The following JPT2 variants were observed in gnomAD, a reference collection of about 807,000 sequenced individuals.
The protein encoded by JPT2 is CRAMP_1 like.
In JPT2, 9 loss-of-function variants were observed where a neutral mutation model predicts 15.9. The ratio of observed to expected loss-of-function variants is 0.57; its 90% CI spans 0.34 to 0.99. The LOEUF is 0.99. Ranked by LOEUF, JPT2 falls within the 50% of genes least tolerant of loss-of-function variation. The pLI is 0.02. For missense variants in JPT2, 267 were observed against 252.1 expected (o/e 1.06, Z -0.40); for synonymous variants, 95 against 91.7 (o/e 1.04, Z -0.21).
chr16:1,688,260 A>T (rs2037081618), intron 2 of JPT2: 1 of 152,230 alleles, frequency 6.6e-6, no homozygotes, highest in Non-Finnish European at 1.5e-5. Flanking sequence ...AGTCAGTAGC[A>T]GAGCTAGTCG....
At chr16:1,680,624 AG>A in intron 1 of JPT2, 1 of 543,554 alleles carries the variant, frequency 1.8e-6, no homozygotes, top group South Asian at 4.0e-5. Flanking sequence ...GAAGCGAGTC[AG>A]GTGGTGGCTG....
intron 1 of JPT2, chr16:1,680,273 C>G: frequency 1.0e-6 from 1 of 962,486 alleles, no homozygotes; most frequent in Non-Finnish European, 1.2e-6. Context: ...GTTTGTGCTG[C>G]CTGGCACTGG....
chr16:1,699,191 C>G lies in JPT2; in HGVS notation c.*193C>G, dbSNP rs1184409903. The G allele has an allele frequency of 7.2e-6, 5 of 693,278 alleles. No individual in the cohort carries two copies. Among genetic ancestry groups the G allele is most frequent in the Non-Finnish European group, 1.3e-5 (5 of 383,358 alleles). 42.9% of individuals were successfully genotyped at this position (693,278 alleles called of 1,614,324 possible). A position where few individuals can be genotyped will look rare whatever the true frequency, so the allele number is the denominator to read the frequency against. On this transcript the variant is annotated 3_prime_UTR_variant, in exon 5 of 5. Transcript: ENST00000248098. Reference sequence around the variant, plus strand: ...CCTTCCAGATGGCTGGGAGATGCCTCTGTGGGGATGAAATGGGGCACCCCT... The same window carrying G: ...CCTTCCAGATGGCTGGGAGATGCCTGTGTGGGGATGAAATGGGGCACCCCT...
chr16:1,686,397 A>AAAAAG (rs2037066858), intron 2 of JPT2: 1 of 153,284 alleles, frequency 6.5e-6, no homozygotes. Flanking sequence ...AAAGAAAAAG[A>AAAAAG]AAAAGGTTTC....
At chr16:1,687,176 A>G (rs2037073039) in intron 2 of JPT2, among the ~76,000 whole-genome samples, 1 of 152,018 alleles carries the variant, frequency 6.6e-6, no homozygotes. Context: ...TTGTGGAGAC[A>G]GGGTTTAACC....
chr16:1,683,984 C>A (rs1489541671), intron 1 of JPT2, among the ~76,000 whole-genome samples: 2 of 152,166 alleles, frequency 1.3e-5, no homozygotes, highest in Non-Finnish European at 2.9e-5. Flanking sequence ...TGCATATAAC[C>A]TATGCACATC....
At chr16:1,691,742 G>C in intron 2 of JPT2, 101 bp from the exon 3 acceptor site, 2 of 1,409,622 alleles carry the variant, frequency 1.4e-6, no homozygotes, top group East Asian at 2.3e-5. Flanking sequence ...GCTGGCACTC[G>C]GGGTTCCTAT....
intron 2 of JPT2, chr16:1,686,011 C>T (rs1183650757): frequency 5.7e-6 from 1 of 174,640 alleles, no homozygotes; most frequent in African/African-American, 2.4e-5. Context: ...ATTGATCTAG[C>T]ACACATCTAC....
intron 1 of JPT2, chr16:1,683,472 A>T (rs1467714416): frequency 7.4e-7 from 1 of 1,353,404 alleles, no homozygotes; most frequent in Non-Finnish European, 1.0e-6. Flanking sequence ...TCTTAAGTGC[A>T]CCTGTCTTTT....
Position 1,699,116 on chromosome 16 carries a change from T to C in JPT2, c.*118T>C. Reference sequence around the variant, plus strand: ...GAAGAGGGTTAGTCTTATGTGAGCCTGGCTGCTCAGCGTCTCCTGGCCGTC... The same window carrying C: ...GAAGAGGGTTAGTCTTATGTGAGCCCGGCTGCTCAGCGTCTCCTGGCCGTC... On this transcript the variant is annotated 3_prime_UTR_variant, in exon 5 of 5. Transcript: ENST00000248098. 9.2e-7 allele frequency: 1 copy of C among 1,088,520 alleles called. No individual in the cohort carries two copies. Among genetic ancestry groups the C allele is most frequent in the Non-Finnish European group, 1.4e-6 (1 of 724,646 alleles). 67.4% of individuals were successfully genotyped at this position (1,088,520 alleles called of 1,614,324 possible). A position where few individuals can be genotyped will look rare whatever the true frequency, so the allele number is the denominator to read the frequency against.
rs143035397 is a variant in JPT2 at position 1,694,485 on chromosome 16, A to G, written c.336+2500A>G. ...GGTGTTTTATTCTGTAATGGGAAAAAAGTCCTATAATTCATATGGAATTTC... is the reference window on the plus strand; with the variant it reads ...GGTGTTTTATTCTGTAATGGGAAAAGAGTCCTATAATTCATATGGAATTTC... On this transcript the variant is annotated intron_variant, in intron 3 of 4. Coordinates refer to ENST00000248098, the MANE Select transcript of JPT2 (RefSeq NM_144570.3). 8.8e-4 allele frequency among the ~76,000 whole-genome samples: 134 copies of G among 152,360 alleles called. 1 individual carries two copies. The highest frequency in any genetic ancestry group is 3.0e-3 in the African/African-American group (124 of 41,582).
chr16:1,701,900 G>T lies in JPT2; in HGVS notation c.*2902G>T. ...AAAAAAAACTTCTCTAAATTAGCCG[G>T]ATGTGGTGGTGCATGCCTGTAGTCC... On this transcript the variant is annotated 3_prime_UTR_variant, in exon 5 of 5. Coordinates refer to ENST00000248098, the MANE Select transcript of JPT2 (RefSeq NM_144570.3). The T allele has an allele frequency of 3.3e-6, 1 of 300,842 alleles. No individual in the cohort carries two copies. The highest frequency in any genetic ancestry group is 6.8e-6 in the Non-Finnish European group (1 of 147,444). The allele number at this position is 300,842 out of a possible 1,614,324, so 18.6% of individuals were successfully genotyped here. A position where few individuals can be genotyped will look rare whatever the true frequency, so the allele number is the denominator to read the frequency against.
chr16:1,680,277 G>T (rs1427551488), intron 1 of JPT2: 1 of 970,910 alleles, frequency 1.0e-6, no homozygotes, highest in Non-Finnish European at 1.2e-6. Flanking sequence ...GTGCTGCCTG[G>T]CACTGGCTGC....
Position 1,701,548 on chromosome 16 carries a change from T to C in JPT2, c.*2550T>C, listed in dbSNP as rs1343480736. On this transcript the variant is annotated 3_prime_UTR_variant, in exon 5 of 5. Coordinates refer to ENST00000248098, the MANE Select transcript of JPT2 (RefSeq NM_144570.3). ...TAGCCAGAGGATGCCAAAATTAGTC[T>C]TCTCAAAGCTTTGAGTAGAGTAAGT... is the stretch of plus-strand genomic sequence containing the variant. 6.6e-6 allele frequency: 1 copy of C among 152,266 alleles called. No homozygotes were observed. The highest frequency in any genetic ancestry group is 1.5e-5 in the Non-Finnish European group (1 of 68,054). The allele number at this position is 152,266 out of a possible 1,614,324, so 9.4% of individuals were successfully genotyped here. A position where few individuals can be genotyped will look rare whatever the true frequency, so the allele number is the denominator to read the frequency against.
intron 3 of JPT2, among the ~76,000 whole-genome samples, chr16:1,694,888 A>G (rs2037130119): frequency 1.3e-5 from 2 of 152,240 alleles, no homozygotes; most frequent in Admixed American, 6.5e-5. Context: ...CTTAGAAGAA[A>G]ATATAGGGAC....
chr16:1,695,903 T>TA (rs2037137977), intron 3 of JPT2, among the ~76,000 whole-genome samples: 1 of 152,064 alleles, frequency 6.6e-6, no homozygotes. Context: ...TCATTAAAGT[T>TA]ATAAACTTCT....
chr16:1,694,690 CT>C (rs34507327), intron 3 of JPT2, among the ~76,000 whole-genome samples: 176 of 143,742 alleles, frequency 1.2e-3, no homozygotes, highest in Admixed American at 1.1e-3. Context: ...TTCCAAAGGG[CT>C]TTTTTTTTTT....
In JPT2 at chr16:1,701,914, T is replaced by G. The variant is rs142145261; in HGVS notation, c.*2916T>G. ...TAAATTAGCCGGATGTGGTGGTGCA[T>G]GCCTGTAGTCCCAGCTACTCGGGAG... is the stretch of plus-strand genomic sequence containing the variant. On this transcript the variant is annotated 3_prime_UTR_variant, in exon 5 of 5. Transcript: ENST00000248098. 3 of 318,254 alleles carry G rather than the reference T, an allele frequency of 9.4e-6. No individual in the cohort carries two copies. The highest frequency in any genetic ancestry group is 1.9e-5 in the Non-Finnish European group (3 of 157,412). 19.7% of individuals were successfully genotyped at this position (318,254 alleles called of 1,614,324 possible). A position where few individuals can be genotyped will look rare whatever the true frequency, so the allele number is the denominator to read the frequency against.
intron 3 of JPT2, among the ~76,000 whole-genome samples, chr16:1,694,598 C>T (rs367589221): frequency 3.9e-5 from 6 of 152,222 alleles, no homozygotes; most frequent in South Asian, 2.1e-4. Flanking sequence ...TGCAAAGCAA[C>T]GGTAATCCAA....
Sources: gnomAD v4.1 joint callset for allele counts (sites outside exome capture counted in the v4.1 genomes callset) on GRCh38, gnomAD v4.1.1 for gene constraint, MANE v1.5 for transcripts, NCBI Gene and HGNC (gene_info 2026-07-23, HGNC 2026-07-21) for gene names.